ESRRB: variants seen among roughly 807,000 people sequenced by gnomAD.
ESRRB encodes the protein steroid hormone receptor ERR2.
A neutral mutation model predicts 46.0 loss-of-function variants in ESRRB; 16 were observed. The observed-to-expected ratio is 0.35, with a 90% CI of 0.24 to 0.53. ESRRB has a LOEUF of 0.53. ESRRB is among the 20% of genes least tolerant of loss of function. The pLI, the probability that ESRRB is intolerant of heterozygous loss-of-function variation, is 0.93. For synonymous variants in ESRRB, 246 were observed against 259.6 expected, an observed-to-expected ratio of 0.95 and a Z score of 0.50; for missense variants, 488 against 607.4, an observed-to-expected ratio of 0.80 and a Z score of 2.07.
chr14:76,375,565 G>A (rs1377125106), upstream of ESRRB, among the ~76,000 whole-genome samples: 2 of 152,240 alleles, frequency 1.3e-5, no homozygotes, highest in African/African-American at 4.8e-5. Context: ...CTAGCCATAT[G>A]AGAGTGGTGC....
upstream of ESRRB, among the ~76,000 whole-genome samples, chr14:76,373,502 G>A (rs1056724120): frequency 1.3e-5 from 2 of 152,158 alleles, no homozygotes; most frequent in African/African-American, 4.8e-5. Flanking sequence ...TCCATCCTCC[G>A]TGAGTTGGCT....
At chr14:76,496,248 A>G (rs907137853) in intron 6 of ESRRB, among the ~76,000 whole-genome samples, 10 of 152,312 alleles carry the variant, frequency 6.6e-5, no homozygotes, top group African/African-American at 2.2e-4. Context: ...TCCAAGGGAG[A>G]TAAGACATGA....
chr14:76,351,986 TAAAAAAAAAAAAAA>T (rs201356393), intron 1 of ESRRB, among the ~76,000 whole-genome samples: 1 of 91,792 alleles, frequency 1.1e-5, no homozygotes, highest in Non-Finnish European at 2.1e-5. Flanking sequence ...CCCAGTCTCT[TAAAAAAAAAAAAAA>T]AAAAAAAAAG....
intron 1 of ESRRB, among the ~76,000 whole-genome samples, chr14:76,431,506 G>A (rs1245803242): frequency 6.6e-6 from 1 of 152,188 alleles, no homozygotes; most frequent in Admixed American, 6.5e-5. Flanking sequence ...GAGCCCCCCA[G>A]CAAGCTCGGT....
intron 1 of ESRRB, among the ~76,000 whole-genome samples, chr14:76,416,024 T>C (rs777683255): frequency 6.6e-6 from 1 of 152,168 alleles, no homozygotes; most frequent in Non-Finnish European, 1.5e-5. Context: ...AATTTGAAGG[T>C]AAAATAATCA....
chr14:76,485,975 G>C (rs1481237956), intron 5 of ESRRB, among the ~76,000 whole-genome samples: 9 of 152,130 alleles, frequency 5.9e-5, no homozygotes, highest in Admixed American at 5.2e-4. Context: ...GATCCCATTT[G>C]GAACAAGGCT....
Position 76,501,021 on chromosome 14 carries a change from A to C in ESRRB, c.*2563A>C. ...TCTTAGCTGGAATCCTGGCCAGATG[A>C]GGACCCTCTCCGGGGAAGGGAGAGG... On this transcript the variant is annotated 3_prime_UTR_variant, in exon 7 of 7. Coordinates refer to ENST00000644823, the MANE Select transcript of ESRRB (RefSeq NM_001379180.1). 2.0e-6 allele frequency: 1 copy of C among 492,242 alleles called. No individual in the cohort carries two copies. Among genetic ancestry groups the C allele is most frequent in the Non-Finnish European group, 3.7e-6 (1 of 272,178 alleles). The allele number at this position is 492,242 out of a possible 1,614,324, so 30.5% of individuals were successfully genotyped here.
intron 1 of ESRRB, among the ~76,000 whole-genome samples, chr14:76,325,733 A>G (rs1417914651): frequency 6.6e-6 from 1 of 152,192 alleles, no homozygotes; most frequent in Non-Finnish European, 1.5e-5. Context: ...TTATCTTGCC[A>G]CTAAACAAGT....
At chr14:76,415,624 C>T (rs1392867437) in intron 1 of ESRRB, among the ~76,000 whole-genome samples, 1 of 152,188 alleles carries the variant, frequency 6.6e-6, no homozygotes, top group Non-Finnish European at 1.5e-5. Flanking sequence ...CATGCTACTG[C>T]ACTCCAGACT....
intron 2 of ESRRB, 36 bp from the exon 3 acceptor site, chr14:76,462,509 C>T: frequency 6.4e-7 from 1 of 1,569,720 alleles, no homozygotes; most frequent in Non-Finnish European, 8.8e-7. Flanking sequence ...CCCTGGGCGG[C>T]CAGCACCCGG....
At chr14:76,313,007 G>C (rs1174911951) in intron 1 of ESRRB, among the ~76,000 whole-genome samples, 1 of 152,172 alleles carries the variant, frequency 6.6e-6, no homozygotes, top group African/African-American at 2.4e-5. Flanking sequence ...CCGCATTCCT[G>C]AGCAAGTCCT....
At chr14:76,333,167 A>ATATAT (rs1884073435) in intron 1 of ESRRB, among the ~76,000 whole-genome samples, 1 of 16,336 alleles carries the variant, frequency 6.1e-5, no homozygotes, top group Non-Finnish European at 1.1e-4. Context: ...AATATATATT[A>ATATAT]TATATACTAT....
intron 1 of ESRRB, among the ~76,000 whole-genome samples, chr14:76,358,331 GAAAGAAAGAAAGAAAGA>G (rs1884415300): frequency 8.0e-5 from 1 of 12,426 alleles, no homozygotes; most frequent in African/African-American, 5.2e-4. Context: ...AAAAAAGAAA[GAAAGAAAGAAAGAAAGA>G]AAGAAAGAAA....
At chr14:76,380,966 C>G (rs976103170) in intron 1 of ESRRB, among the ~76,000 whole-genome samples, 10 of 152,170 alleles carry the variant, frequency 6.6e-5, no homozygotes, top group South Asian at 2.1e-4. Context: ...AGAGATAAAT[C>G]AAAGACGTTT....
rs545287300 is a variant in ESRRB at position 76,355,188 on chromosome 14, G to A, written c.2+44272G>A. ...AAGCCGGGGCCAGGTGGCCAGAGGC[G>A]GTAGAGACCCAAGTAGGGCTCAGAG... On this transcript the variant is annotated intron_variant, in intron 1 of 6. Transcript: ENST00000512784. Among the ~76,000 whole-genome samples, 16 of 152,300 alleles carry A rather than the reference G, an allele frequency of 1.1e-4. No homozygotes were observed. In the East Asian group the frequency reaches 2.3e-3, roughly 22 times the overall value.
upstream of ESRRB, among the ~76,000 whole-genome samples, chr14:76,370,844 G>A (rs1884606344): frequency 6.6e-6 from 1 of 152,174 alleles, no homozygotes. Context: ...CTTGTATAGG[G>A]CCTACAGGAA....
chr14:76,456,348 T>A (rs1465040043), intron 2 of ESRRB, among the ~76,000 whole-genome samples: 1 of 152,184 alleles, frequency 6.6e-6, no homozygotes. Flanking sequence ...TGTGCCATGA[T>A]GGGCCAGAGA....
chr14:76,363,403 A>C (rs1295607306), intron 1 of ESRRB, among the ~76,000 whole-genome samples: 5 of 152,214 alleles, frequency 3.3e-5, no homozygotes, highest in African/African-American at 9.7e-5. Flanking sequence ...TTTGCTTGGC[A>C]GTGGACGGTC....
At chr14:76,487,488 T>C (rs1217129524) in intron 5 of ESRRB, among the ~76,000 whole-genome samples, 1 of 152,188 alleles carries the variant, frequency 6.6e-6, no homozygotes, top group Non-Finnish European at 1.5e-5. Flanking sequence ...AATAATCACA[T>C]GTATTACATT....
Sources: gnomAD v4.1 joint callset for allele counts (sites outside exome capture counted in the v4.1 genomes callset) on GRCh38, gnomAD v4.1.1 for gene constraint, MANE v1.5 for transcripts, NCBI Gene and HGNC (gene_info 2026-07-23, HGNC 2026-07-21) for gene names.